Variants in EPHA6 observed in about 807,000 individuals in gnomAD.
EPHA6 encodes EPH receptor A6.
EPHA6 carries 50 observed loss-of-function variants against 112.0 expected under a neutral mutation model. That is an observed-to-expected ratio of 0.45 (90% CI 0.36 to 0.56). The LOEUF is 0.56. Ranked by LOEUF, EPHA6 falls within the 20% of genes least tolerant of loss-of-function variation. The pLI is 0.00. For synonymous variants in EPHA6, 529 were observed against 490.7 expected, an observed-to-expected ratio of 1.08 and a Z score of -1.03; for missense variants, 1,280 against 1,417.4, an observed-to-expected ratio of 0.90 and a Z score of 1.56.
chr3:97,403,186 A>G (rs1276599174), intron 5 of EPHA6, among the ~76,000 whole-genome samples: 3 of 152,094 alleles, frequency 2.0e-5, no homozygotes, highest in African/African-American at 7.2e-5. Flanking sequence ...AACAGCTTCA[A>G]AATTACAATA....
At chr3:97,408,952 G>C (rs2107100527) in intron 6 of EPHA6, among the ~76,000 whole-genome samples, 1 of 152,186 alleles carries the variant, frequency 6.6e-6, no homozygotes, top group East Asian at 1.9e-4. Flanking sequence ...AGTCCCTGAA[G>C]AAAAGAATTG....
intron 11 of EPHA6, among the ~76,000 whole-genome samples, chr3:97,535,674 T>C (rs2092754167): frequency 6.6e-6 from 1 of 152,094 alleles, no homozygotes; most frequent in African/African-American, 2.4e-5. Context: ...GGACTACCCA[T>C]TGCATAAAAG....
At chr3:96,872,721 T>C (rs1008415028) in intron 2 of EPHA6, among the ~76,000 whole-genome samples, 15 of 152,070 alleles carry the variant, frequency 9.9e-5, no homozygotes, top group African/African-American at 3.6e-4. Flanking sequence ...GCTCCTCTAT[T>C]CTTAAGGTGT....
intron 2 of EPHA6, among the ~76,000 whole-genome samples, chr3:96,983,077 G>A (rs1385395928): frequency 8.5e-5 from 13 of 152,262 alleles, no homozygotes; most frequent in Admixed American, 3.3e-4. Context: ...TGTTATGTGT[G>A]AATTTGATCC....
intron 2 of EPHA6, among the ~76,000 whole-genome samples, chr3:96,899,810 G>A (rs955556523): frequency 3.3e-5 from 5 of 152,068 alleles, no homozygotes; most frequent in African/African-American, 1.2e-4. Context: ...ACACAGAGAA[G>A]AATAAAAACA....
chr3:97,071,691 G>T (rs1037598091), intron 3 of EPHA6, among the ~76,000 whole-genome samples: 1 of 152,046 alleles, frequency 6.6e-6, no homozygotes, highest in African/African-American at 2.4e-5. Flanking sequence ...TTCAAGTTGA[G>T]ATTTGGGTGG....
intron 3 of EPHA6, among the ~76,000 whole-genome samples, chr3:97,213,306 G>A (rs1300445599): frequency 1.1e-4 from 17 of 152,142 alleles, no homozygotes. Context: ...ACATAATGGA[G>A]GTTGACCCAA....
At chr3:97,498,379 G>A (rs2092034122) in intron 10 of EPHA6, among the ~76,000 whole-genome samples, 1 of 150,840 alleles carries the variant, frequency 6.6e-6, no homozygotes, top group African/African-American at 2.4e-5. Flanking sequence ...AGGCAGGAAT[G>A]TCTTGCTTGC....
intron 7 of EPHA6, among the ~76,000 whole-genome samples, chr3:97,455,271 A>G (rs2090645570): frequency 1.3e-5 from 2 of 152,142 alleles, no homozygotes; most frequent in East Asian, 1.9e-4. Context: ...TTATGTTCCA[A>G]TCACTTTTTT....
intron 14 of EPHA6, among the ~76,000 whole-genome samples, chr3:97,717,141 G>A (rs997823685): frequency 6.8e-6 from 1 of 147,614 alleles, no homozygotes; most frequent in Non-Finnish European, 1.5e-5. Context: ...TGAGGCAGGA[G>A]AATTTCTTGA....
At chr3:97,388,483 C>A in intron 5 of EPHA6, among the ~76,000 whole-genome samples, 1 of 151,370 alleles carries the variant, frequency 6.6e-6, no homozygotes, top group Admixed American at 6.6e-5. Flanking sequence ...ACAATCTTAA[C>A]AAGGAAAGAG....
intron 1 of EPHA6, among the ~76,000 whole-genome samples, chr3:96,822,042 A>G (rs968106024): frequency 1.3e-5 from 2 of 152,026 alleles, no homozygotes; most frequent in East Asian, 3.9e-4. Flanking sequence ...GCTGTGTACC[A>G]TATGTGTTTT....
chr3:97,041,245 C>G (rs1409054687), intron 3 of EPHA6, among the ~76,000 whole-genome samples: 3 of 151,928 alleles, frequency 2.0e-5, no homozygotes. Flanking sequence ...AGCATTTATC[C>G]CCTACTTTCA....
chr3:97,210,108 CTG>C lies in EPHA6; in HGVS notation c.1115-16154_1115-16153del, dbSNP rs1559800248. Among the ~76,000 whole-genome samples, 5 of 152,190 alleles carry C rather than the reference CTG, an allele frequency of 3.3e-5. No individual in the cohort carries two copies. The South Asian group carries it at 8.3e-4, about 25-fold the overall frequency. On this transcript the variant is annotated intron_variant, in intron 3 of 17. Coordinates refer to ENST00000389672, the MANE Select transcript of EPHA6 (RefSeq NM_001080448.3). ...TATGCCAATTAAATCTTACTAAAGA[CTG>C]TTTTGTTATAGTATTTATAATCTGA...
At chr3:97,185,890 G>T (rs907463359) in intron 3 of EPHA6, among the ~76,000 whole-genome samples, 2 of 151,950 alleles carry the variant, frequency 1.3e-5, no homozygotes, top group African/African-American at 4.8e-5. Flanking sequence ...GCCATAAAAA[G>T]GATGAATTCA....
At chr3:97,007,279 G>C (rs1247326831) in intron 3 of EPHA6, among the ~76,000 whole-genome samples, 1 of 152,160 alleles carries the variant, frequency 6.6e-6, no homozygotes, top group Non-Finnish European at 1.5e-5. Flanking sequence ...TTATGAATCT[G>C]TGCCCTCCTG....
intron 13 of EPHA6, among the ~76,000 whole-genome samples, chr3:97,631,763 T>A (rs1385877659): frequency 6.6e-6 from 1 of 151,986 alleles, no homozygotes; most frequent in Non-Finnish European, 1.5e-5. Flanking sequence ...GAATAGCAGC[T>A]TATCATCTAC....
At chr3:96,959,435 T>A (rs945167910) in intron 2 of EPHA6, among the ~76,000 whole-genome samples, 4 of 152,058 alleles carry the variant, frequency 2.6e-5, no homozygotes, top group African/African-American at 7.2e-5. Context: ...GAATAACAAT[T>A]TTTTTTTCTA....
chr3:97,592,537 T>A, intron 11 of EPHA6, 75 bp from the exon 12 acceptor site: 1 of 1,562,996 alleles, frequency 6.4e-7, no homozygotes, highest in Non-Finnish European at 8.7e-7. Flanking sequence ...TGATTTTAGG[T>A]TTTATTCCAT....
Sources: allele counts gnomAD v4.1 joint callset (sites outside exome capture counted in the v4.1 genomes callset), GRCh38; gene constraint gnomAD v4.1.1; transcripts MANE v1.5; gene names NCBI Gene and HGNC (gene_info 2026-07-23, HGNC 2026-07-21).